The following PLSCR2 variants were observed in gnomAD, a reference collection of about 807,000 sequenced individuals.
PLSCR2 encodes phospholipid scramblase 2.
In PLSCR2, 18 loss-of-function variants were observed where a neutral mutation model predicts 25.3. The observed-to-expected ratio is 0.71, with a 90% CI of 0.49 to 1.06. The LOEUF (loss-of-function observed/expected upper bound fraction) is 1.06. PLSCR2 is among the 50% of genes least tolerant of loss of function. PLSCR2 has a pLI of 0.00. For missense variants in PLSCR2, 243 were observed against 269.5 expected, an observed-to-expected ratio of 0.90 and a Z score of 0.69; for synonymous variants, 88 against 87.3, an observed-to-expected ratio of 1.01 and a Z score of -0.04.
intron 1 of PLSCR2, among the ~76,000 whole-genome samples, chr3:146,483,433 ATATATATATACACATGTATG>A (rs2043204287): frequency 9.6e-6 from 1 of 103,952 alleles, no homozygotes; most frequent in African/African-American, 4.8e-5. Flanking sequence ...AACTTAATAT[ATATATATATACACATGTATG>A]TATATATATA....
intron 6 of PLSCR2, among the ~76,000 whole-genome samples, chr3:146,448,807 T>C (rs2040716917): frequency 6.6e-6 from 1 of 152,234 alleles, no homozygotes; most frequent in South Asian, 2.1e-4. Flanking sequence ...TATACTCTTA[T>C]TGCACTTTAT....
At chr3:146,454,283 C>T in intron 4 of PLSCR2, 120 bp from the exon 5 acceptor site, 2 of 598,984 alleles carry the variant, frequency 3.3e-6, no homozygotes, top group South Asian at 5.6e-5. Flanking sequence ...CTTCCTAGGA[C>T]TTTTTTTTTA....
chr3:146,404,161 G>C (rs2108010793), intron 2 of PLSCR2, among the ~76,000 whole-genome samples: 1 of 152,314 alleles, frequency 6.6e-6, no homozygotes, highest in South Asian at 2.1e-4. Flanking sequence ...TTGTCCAAGT[G>C]TGTGCTCACC....
intron 2 of PLSCR2, 27 bp downstream of exon 2, chr3:146,459,821 C>G: frequency 2.1e-5 from 24 of 1,142,176 alleles, no homozygotes; most frequent in Non-Finnish European, 2.3e-5. Flanking sequence ...TTTTTTTTTT[C>G]TGAGTATTTT....
chr3:146,462,376 A>G (rs2041631910), upstream of PLSCR2, among the ~76,000 whole-genome samples: 1 of 151,754 alleles, frequency 6.6e-6, no homozygotes. Context: ...ACAGGCATAA[A>G]CCGCTGCATG....
chr3:146,425,648 G>A (rs1319082753), intron 2 of PLSCR2, among the ~76,000 whole-genome samples: 1 of 152,082 alleles, frequency 6.6e-6, no homozygotes, highest in East Asian at 1.9e-4. Flanking sequence ...GGCTTAAATA[G>A]CTGTTTCATA....
At chr3:146,401,498 A>T (rs2038473331) in intron 2 of PLSCR2, 1 of 152,528 alleles carries the variant, frequency 6.6e-6, no homozygotes, top group Non-Finnish European at 1.5e-5. Flanking sequence ...CTGCAAAATA[A>T]ATTCTCTGTC....
chr3:146,401,161 T>G (rs1174067380), intron 2 of PLSCR2, among the ~76,000 whole-genome samples: 1 of 152,056 alleles, frequency 6.6e-6, no homozygotes, highest in East Asian at 1.9e-4. Flanking sequence ...TCTAAAGATT[T>G]TATGACCTTC....
chr3:146,480,943 A>G (rs1190293259), intron 1 of PLSCR2, among the ~76,000 whole-genome samples: 1 of 152,162 alleles, frequency 6.6e-6, no homozygotes, highest in Non-Finnish European at 1.5e-5. Context: ...GCAAATCAAT[A>G]AACATAATCC....
chr3:146,479,250 C>T (rs1283409840), intron 1 of PLSCR2, among the ~76,000 whole-genome samples: 1 of 152,098 alleles, frequency 6.6e-6, no homozygotes, highest in Non-Finnish European at 1.5e-5. Context: ...CAATATTAAC[C>T]TTAAATGTAG....
chr3:146,495,946 A>T (rs1382403065), upstream of PLSCR2: 7 of 1,531,922 alleles, frequency 4.6e-6, no homozygotes, highest in Non-Finnish European at 6.1e-6. Flanking sequence ...CACAATCCAG[A>T]GTCTCTCAGA....
intron 1 of PLSCR2, among the ~76,000 whole-genome samples, chr3:146,493,367 T>A (rs1471159787): frequency 6.6e-6 from 1 of 152,122 alleles, no homozygotes; most frequent in African/African-American, 2.4e-5. Flanking sequence ...ACAATATCCC[T>A]GTTGTAAAAC....
upstream of PLSCR2, chr3:146,463,860 GA>G: frequency 1.0e-6 from 1 of 979,040 alleles, no homozygotes; most frequent in Non-Finnish European, 1.2e-6. Context: ...TATTTTTTAT[GA>G]TTACCAACTT....
At chr3:146,495,972 A>G, upstream of PLSCR2, 1 of 1,452,544 alleles carries the variant, frequency 6.9e-7, no homozygotes, top group Non-Finnish European at 9.3e-7. Context: ...TGCTAGGAAG[A>G]ATCTAAGATG....
At chr3:146,414,732 A>C (rs1000733945) in intron 2 of PLSCR2, among the ~76,000 whole-genome samples, 8 of 152,222 alleles carry the variant, frequency 5.3e-5, no homozygotes, top group Admixed American at 5.2e-4. Context: ...ACTTGGGAGC[A>C]CAATTGGACT....
intron 2 of PLSCR2, among the ~76,000 whole-genome samples, chr3:146,399,631 A>G (rs2038390583): frequency 6.6e-6 from 1 of 151,742 alleles, no homozygotes; most frequent in South Asian, 2.1e-4. Flanking sequence ...TACTTCCATT[A>G]TATTCTGTCC....
chr3:146,417,358 C>G (rs1323581542), intron 2 of PLSCR2, among the ~76,000 whole-genome samples: 1 of 151,930 alleles, frequency 6.6e-6, no homozygotes, highest in African/African-American at 2.4e-5. Flanking sequence ...AACTAAGAGG[C>G]CACAACATGT....
At chr3:146,412,490 T>A (rs2108045550) in intron 2 of PLSCR2, among the ~76,000 whole-genome samples, 1 of 152,258 alleles carries the variant, frequency 6.6e-6, no homozygotes, top group African/African-American at 2.4e-5. Flanking sequence ...AGTTGCAGCA[T>A]GAGTTGCACT....
chr3:146,426,733 GAACT>G (rs758306833), intron 2 of PLSCR2, among the ~76,000 whole-genome samples: 26 of 152,192 alleles, frequency 1.7e-4, no homozygotes, highest in African/African-American at 4.8e-4. Context: ...TTTTGTACAA[GAACT>G]AACCTGAAAT....
Sources: allele counts gnomAD v4.1 joint callset (sites outside exome capture counted in the v4.1 genomes callset), GRCh38; gene constraint gnomAD v4.1.1; transcripts MANE v1.5; gene names NCBI Gene and HGNC (gene_info 2026-07-23, HGNC 2026-07-21).